Variants in CERS6 observed in about 807,000 individuals in gnomAD.
The protein encoded by CERS6 is ceramide synthase 6.
CERS6 carries 26 observed loss-of-function variants against 56.8 expected under a neutral mutation model. The observed-to-expected ratio is 0.46, with a 90% CI of 0.34 to 0.63. The LOEUF (loss-of-function observed/expected upper bound fraction) is 0.63. Ranked by LOEUF, CERS6 falls within the 30% of genes least tolerant of loss-of-function variation. The pLI, the probability that CERS6 is intolerant of heterozygous loss-of-function variation, is 0.01. For synonymous variants in CERS6, 164 were observed against 173.3 expected (o/e 0.95, Z 0.42); for missense variants, 415 against 467.5 (o/e 0.89, Z 1.04).
chr2:168,559,733 T>TTTTTTA (rs61031993), intron 2 of CERS6, among the ~76,000 whole-genome samples: 5 of 66,246 alleles, frequency 7.5e-5, no homozygotes, highest in African/African-American at 2.5e-4. Context: ...TAGAAAGGTA[T>TTTTTTA]CATATATATA....
intron 6 of CERS6, among the ~76,000 whole-genome samples, chr2:168,698,646 G>A (rs561046933): frequency 6.6e-6 from 1 of 152,232 alleles, no homozygotes; most frequent in East Asian, 1.9e-4. Context: ...TTTGGGAGGG[G>A]ACACAGATCC....
intron 4 of CERS6, among the ~76,000 whole-genome samples, chr2:168,635,794 A>G (rs1559030087): frequency 6.6e-6 from 1 of 152,158 alleles, no homozygotes; most frequent in Admixed American, 6.5e-5. Flanking sequence ...TCTGAATCCA[A>G]CCTTAACTAA....
chr2:168,469,676 A>G (rs116709035), intron 1 of CERS6, among the ~76,000 whole-genome samples: 194 of 152,278 alleles, frequency 1.3e-3, no homozygotes, highest in African/African-American at 4.5e-3. Flanking sequence ...GTTAAAAGTT[A>G]GTCTTTTATT....
rs373000480 is a variant in CERS6, at chr2:168,493,407, CAACT to C, written c.170+36795_170+36798del. Among the ~76,000 whole-genome samples the C allele has an allele frequency of 1.2e-3, 176 of 152,148 alleles. 1 individual carries two copies. Among genetic ancestry groups the C allele is most frequent in the African/African-American group, 4.0e-3 (166 of 41,540 alleles). On this transcript the variant is annotated intron_variant, in intron 1 of 9. Transcript: ENST00000305747. Reference sequence around the variant, plus strand: ...CCTCAGCTACCAAGGTAGGGCAGATCAACTAACTAGCCCAGGGTTGAAGAGCTAA... The same window carrying C: ...CCTCAGCTACCAAGGTAGGGCAGATCAACTAGCCCAGGGTTGAAGAGCTAA...
At chr2:168,529,000 T>C (rs1321881662) in intron 1 of CERS6, among the ~76,000 whole-genome samples, 2 of 152,056 alleles carry the variant, frequency 1.3e-5, no homozygotes, top group East Asian at 3.9e-4. Context: ...GCTGGGACCA[T>C]AGGGGTTGTT....
intron 1 of CERS6, among the ~76,000 whole-genome samples, chr2:168,460,524 T>C (rs1055031543): frequency 1.3e-5 from 2 of 152,086 alleles, no homozygotes; most frequent in Admixed American, 1.3e-4. Flanking sequence ...CACAGAAATA[T>C]TGTAGTCAAT....
At chr2:168,487,377 A>G (rs1434505361) in intron 1 of CERS6, among the ~76,000 whole-genome samples, 1 of 152,198 alleles carries the variant, frequency 6.6e-6, no homozygotes, top group African/African-American at 2.4e-5. Context: ...TTTTAAAGAA[A>G]TGACTGGCAG....
intron 1 of CERS6, among the ~76,000 whole-genome samples, chr2:168,516,557 A>G (rs759961918): frequency 9.9e-5 from 15 of 152,194 alleles, no homozygotes; most frequent in Non-Finnish European, 2.9e-5. Flanking sequence ...CTTCATTGAT[A>G]AAATGAGAAA....
chr2:168,560,212 C>T (rs1298762546), intron 2 of CERS6, among the ~76,000 whole-genome samples: 2 of 152,180 alleles, frequency 1.3e-5, no homozygotes, highest in African/African-American at 4.8e-5. Context: ...GAGACTTATT[C>T]ACAATCATGA....
rs531863036 is a variant in CERS6, at chr2:168,723,671, T to G, written c.845+5693T>G. ...GTATGATTATGTCATATAATGACTG[T>G]GGAATAATCTTGTTAATACTGTTAT... On this transcript the variant is annotated intron_variant, in intron 8 of 9. Coordinates refer to ENST00000305747, the MANE Select transcript of CERS6 (RefSeq NM_203463.3). 2.3e-3 allele frequency among the ~76,000 whole-genome samples: 345 copies of G among 152,364 alleles called. 1 individual carries two copies. The highest frequency in any genetic ancestry group is 7.9e-3 in the African/African-American group (329 of 41,578).
intron 2 of CERS6, among the ~76,000 whole-genome samples, chr2:168,559,096 A>G (rs962753645): frequency 5.3e-5 from 8 of 152,150 alleles, no homozygotes; most frequent in African/African-American, 1.9e-4. Context: ...TTCCATTAGG[A>G]TAATGGTGTA....
rs117639542 is a variant in CERS6, at chr2:168,545,134, T to C, written c.171-2462T>C. ...ATGTATTTGTAGAAACACACACATG[T>C]ATTTGTAGAAACACATACATGTATT... is the stretch of plus-strand genomic sequence containing the variant. On this transcript the variant is annotated intron_variant, in intron 1 of 9. Coordinates refer to ENST00000305747, the MANE Select transcript of CERS6 (RefSeq NM_203463.3). Among the ~76,000 whole-genome samples, 73 of 152,082 alleles carry C rather than the reference T, an allele frequency of 4.8e-4. No homozygotes were observed. In the East Asian group the frequency reaches 0.014, roughly 29 times the overall value.
Position 168,494,748 on chromosome 2 carries a change from A to G in CERS6, c.170+38130A>G, listed in dbSNP as rs143013456. Among the ~76,000 whole-genome samples the G allele has an allele frequency of 7.1e-4, 108 of 152,210 alleles. No homozygotes were observed. The East Asian group carries it at 0.017, about 23-fold the overall frequency. Reference sequence around the variant, plus strand: ...TGGCAGGCTGGACAGGAGAACCACTACCCTTTGTTAAAAGCATGGAATATC... The same window carrying G: ...TGGCAGGCTGGACAGGAGAACCACTGCCCTTTGTTAAAAGCATGGAATATC... On this transcript the variant is annotated intron_variant, in intron 1 of 9. Transcript: ENST00000305747.
intron 1 of CERS6, among the ~76,000 whole-genome samples, chr2:168,478,229 G>A (rs1012816020): frequency 5.3e-5 from 8 of 152,100 alleles, no homozygotes; most frequent in Admixed American, 5.2e-4. Context: ...TGAGAGCTGA[G>A]CAGTGAGATG....
intron 3 of CERS6, among the ~76,000 whole-genome samples, chr2:168,613,803 G>T (rs558075582): frequency 2.0e-5 from 3 of 152,130 alleles, no homozygotes; most frequent in African/African-American, 7.2e-5. Flanking sequence ...CATGATGCTC[G>T]GTTCAAGTGG....
chr2:168,769,588 A>G lies in CERS6; in HGVS notation c.1081A>G (p.Thr361Ala). The stretch of plus-strand genomic sequence containing the variant: ...AGAACCTCCGGGAAAGAATCCCCAC[A>G]CTGCGACAACCACCAATGGGACCAG... Reference protein sequence around the residue: ...DSEPPGKNPHTATTTNGTSGT... With the variant: ...DSEPPGKNPHAATTTNGTSGT... Residue 361 changes from threonine (T) to alanine (A), a missense_variant, in exon 10 of 10, where the codon ACT becomes GCT. Coordinates refer to ENST00000305747, the MANE Select transcript of CERS6 (RefSeq NM_203463.3). The G allele has an allele frequency of 6.2e-7, 1 of 1,612,758 alleles. No homozygotes were observed. Among genetic ancestry groups the G allele is most frequent in the Non-Finnish European group, 8.5e-7 (1 of 1,179,614 alleles).
chr2:168,738,773 C>G (rs981322299), intron 8 of CERS6, among the ~76,000 whole-genome samples: 1 of 152,190 alleles, frequency 6.6e-6, no homozygotes, highest in Non-Finnish European at 1.5e-5. Context: ...TACCCGTGCT[C>G]CAGAAGCTTG....
intron 1 of CERS6, among the ~76,000 whole-genome samples, chr2:168,514,822 A>G (rs1694857008): frequency 6.6e-6 from 1 of 152,224 alleles, no homozygotes; most frequent in South Asian, 2.1e-4. Context: ...CTATAGAATT[A>G]GAAGGGACCT....
chr2:168,513,982 G>GA (rs1269095675), intron 1 of CERS6, among the ~76,000 whole-genome samples: 1 of 151,892 alleles, frequency 6.6e-6, no homozygotes, highest in Non-Finnish European at 1.5e-5. Context: ...AATACAAAGT[G>GA]AAAAAAACCC....
Sources: gnomAD v4.1 joint callset for allele counts (sites outside exome capture counted in the v4.1 genomes callset) on GRCh38, gnomAD v4.1.1 for gene constraint, MANE v1.5 for transcripts, NCBI Gene and HGNC (gene_info 2026-07-23, HGNC 2026-07-21) for gene names.